Variants in L3MBTL3 observed in about 807,000 individuals in gnomAD.
The protein encoded by L3MBTL3 is lethal(3)malignant brain tumor-like protein 3.
L3MBTL3 carries 27 observed loss-of-function variants against 102.3 expected under a neutral mutation model. The ratio of observed to expected loss-of-function variants is 0.26; its 90% CI spans 0.19 to 0.36. The LOEUF (loss-of-function observed/expected upper bound fraction) is 0.36. Ranked by LOEUF, L3MBTL3 falls within the 10% of genes least tolerant of loss-of-function variation. The pLI, the probability that L3MBTL3 is intolerant of heterozygous loss-of-function variation, is 1.00. For synonymous variants in L3MBTL3, 340 were observed against 320.9 expected (o/e 1.06, Z -0.64); for missense variants, 798 against 955.3 (o/e 0.84, Z 2.17).
At chr6:130,042,319 A>G (rs1780472484) in intron 2 of L3MBTL3, among the ~76,000 whole-genome samples, 1 of 152,134 alleles carries the variant, frequency 6.6e-6, no homozygotes, top group South Asian at 2.1e-4. Context: ...ACTTTTTTCT[A>G]GTGTCTTAAA....
At position 130,120,930 on chromosome 6, in the gene L3MBTL3, T is replaced by C. The variant is rs768809428; in HGVS notation, c.1938T>C (p.Ser646=). 1.3e-5 allele frequency: 21 copies of C among 1,612,514 alleles called. No homozygotes were observed. The Admixed American group carries it at 3.5e-4, about 27-fold the overall frequency. Residue 646 remains serine, a synonymous_variant, in exon 20 of 23, where the codon AGT becomes AGC. Transcript: ENST00000361794. ...VKEDFEERTE[S]EMRTSHEARG... ...AAGACTTTGAAGAGAGAACAGAAAGTGAAATGAGAACATCACATGAAGCCA... is the reference window on the plus strand; with the variant it reads ...AAGACTTTGAAGAGAGAACAGAAAGCGAAATGAGAACATCACATGAAGCCA...
intron 18 of L3MBTL3, among the ~76,000 whole-genome samples, chr6:130,100,301 C>T (rs1288803107): frequency 2.0e-5 from 3 of 152,232 alleles, no homozygotes; most frequent in African/African-American, 7.2e-5. Context: ...GATGAAGCAG[C>T]AGAGCAGGGT....
At chr6:130,108,242 T>TTTTTG (rs1785118593) in intron 19 of L3MBTL3, among the ~76,000 whole-genome samples, 1 of 142,226 alleles carries the variant, frequency 7.0e-6, no homozygotes, top group Admixed American at 6.9e-5. Flanking sequence ...TTTTTTTTTT[T>TTTTTG]TTTTTTTTTT....
At chr6:130,066,928 A>ATT (rs1260845840) in intron 11 of L3MBTL3, among the ~76,000 whole-genome samples, 1 of 152,136 alleles carries the variant, frequency 6.6e-6, no homozygotes, top group Non-Finnish European at 1.5e-5. Context: ...AGATCTTAAT[A>ATT]TTTAGGAGAT....
intron 12 of L3MBTL3, among the ~76,000 whole-genome samples, chr6:130,070,140 G>A (rs972967385): frequency 5.3e-5 from 8 of 151,880 alleles, no homozygotes; most frequent in African/African-American, 1.9e-4. Flanking sequence ...TGTTTTTAGG[G>A]AAGGAATGAC....
At chr6:130,109,392 C>A (rs148774686) in intron 19 of L3MBTL3, among the ~76,000 whole-genome samples, 4,719 of 152,204 alleles carry the variant, frequency 0.031, 241 homozygotes, top group African/African-American at 0.11. Context: ...TTTTGATAAT[C>A]ACCATTCTAA....
At chr6:130,086,322 A>C in intron 16 of L3MBTL3, 72 bp downstream of exon 16, 1 of 1,001,236 alleles carries the variant, frequency 1.0e-6, no homozygotes, top group South Asian at 1.4e-5. Flanking sequence ...TTTGGTAGAT[A>C]CTTAACTTGT....
chr6:130,019,364 C>A (rs1408729600), intron 1 of L3MBTL3: 1 of 147,308 alleles, frequency 6.8e-6, no homozygotes, highest in Non-Finnish European at 1.5e-5. Flanking sequence ...GAGGCGCGAG[C>A]CCCGCGCGCC....
intron 2 of L3MBTL3, among the ~76,000 whole-genome samples, chr6:130,041,986 A>T (rs566715214): frequency 5.9e-5 from 9 of 152,364 alleles, no homozygotes; most frequent in Admixed American, 2.6e-4. Context: ...TCATGAATTC[A>T]TACTGATACC....
At chr6:130,034,114 C>T (rs1303030423) in intron 2 of L3MBTL3, among the ~76,000 whole-genome samples, 1 of 152,136 alleles carries the variant, frequency 6.6e-6, no homozygotes, top group South Asian at 2.1e-4. Context: ...GAACCCAGCT[C>T]GTAGGAGTCC....
intron 16 of L3MBTL3, among the ~76,000 whole-genome samples, chr6:130,090,939 G>T (rs887365789): frequency 2.0e-5 from 3 of 151,904 alleles, no homozygotes; most frequent in African/African-American, 7.3e-5. Flanking sequence ...TTATGTTTTG[G>T]ATAATGAGCT....
At position 130,049,270 on chromosome 6, in the gene L3MBTL3, T is replaced by C; in HGVS notation, c.103-12T>C. ...CTTTTTAAATTTTGCCTTTCTGCTG[T>C]GTTGTTGCTAGTTTCGGGTAAATGA... is the stretch of plus-strand genomic sequence containing the variant. On this transcript the variant is annotated splice_polypyrimidine_tract_variant and intron_variant, in intron 3 of 22. Coordinates refer to ENST00000361794, the MANE Select transcript of L3MBTL3 (RefSeq NM_032438.4). 1 of 1,555,138 alleles carries C rather than the reference T, an allele frequency of 6.4e-7. No individual in the cohort carries two copies. Among genetic ancestry groups the C allele is most frequent in the Non-Finnish European group, 8.9e-7 (1 of 1,128,646 alleles).
At chr6:130,111,183 G>C (rs1356142803) in intron 19 of L3MBTL3, among the ~76,000 whole-genome samples, 1 of 152,142 alleles carries the variant, frequency 6.6e-6, no homozygotes, top group Non-Finnish European at 1.5e-5. Flanking sequence ...ATGCAGGGAA[G>C]GGCAGACAGC....
chr6:130,091,299 G>A (rs1784029942), intron 16 of L3MBTL3, among the ~76,000 whole-genome samples: 1 of 152,068 alleles, frequency 6.6e-6, no homozygotes, highest in Non-Finnish European at 1.5e-5. Context: ...TGTCTTGTAA[G>A]GAATGAGAGG....
At chr6:130,071,790 A>G (rs1248762995) in intron 13 of L3MBTL3, among the ~76,000 whole-genome samples, 2 of 152,140 alleles carry the variant, frequency 1.3e-5, no homozygotes, top group Non-Finnish European at 2.9e-5. Flanking sequence ...ACTTATATAA[A>G]TATTGCTAAA....
rs184266383 is a variant in L3MBTL3, at chr6:130,139,832, C to G, written c.*79C>G. 4 of 1,367,712 alleles carry G rather than the reference C, an allele frequency of 2.9e-6. No individual in the cohort carries two copies. Among genetic ancestry groups the G allele is most frequent in the Admixed American group, 3.8e-5 (2 of 52,516 alleles). The allele number at this position is 1,367,712 out of a possible 1,614,324, so 84.7% of individuals were successfully genotyped here. On this transcript the variant is annotated 3_prime_UTR_variant, in exon 23 of 23. Transcript: ENST00000361794. ...TCAAAGCACAAGGACGGTTATAACTCCTAAGTGAGAAGTCTCCAAAACTCA... is the reference window on the plus strand; with the variant it reads ...TCAAAGCACAAGGACGGTTATAACTGCTAAGTGAGAAGTCTCCAAAACTCA...
intron 2 of L3MBTL3, among the ~76,000 whole-genome samples, chr6:130,041,630 A>G (rs1780426197): frequency 6.6e-6 from 1 of 152,218 alleles, no homozygotes; most frequent in South Asian, 2.1e-4. Flanking sequence ...CACTGCAGCT[A>G]AAATTAGTAA....
At chr6:130,069,119 A>G (rs1229599439) in intron 12 of L3MBTL3, among the ~76,000 whole-genome samples, 1 of 152,170 alleles carries the variant, frequency 6.6e-6, no homozygotes, top group East Asian at 1.9e-4. Flanking sequence ...AAGAGATTTA[A>G]TTCGCCTTTC....
intron 2 of L3MBTL3, among the ~76,000 whole-genome samples, chr6:130,027,615 A>C (rs1018878331): frequency 5.3e-5 from 8 of 152,218 alleles, no homozygotes; most frequent in African/African-American, 1.4e-4. Context: ...CTTCTGTGAA[A>C]GAAAAATCTA....
Sources: gnomAD v4.1 joint callset for allele counts (sites outside exome capture counted in the v4.1 genomes callset) on GRCh38, gnomAD v4.1.1 for gene constraint, MANE v1.5 for transcripts, NCBI Gene and HGNC (gene_info 2026-07-23, HGNC 2026-07-21) for gene names.